The following TEX11 variants were observed in gnomAD, a reference collection of about 807,000 sequenced individuals.
The protein encoded by TEX11 is testis-expressed protein 11.
Under a neutral mutation model 84.4 loss-of-function variants are expected in TEX11, and 7 were observed. The ratio of observed to expected loss-of-function variants is 0.08; its 90% CI spans 0.05 to 0.16. TEX11 has a LOEUF of 0.16. Among genes scored for constraint, TEX11 ranks in the 10% least tolerant of loss-of-function variants. The pLI is 1.00. For synonymous variants in TEX11, 264 were observed against 222.8 expected (o/e 1.18, Z -1.64); for missense variants, 551 against 660.5 (o/e 0.83, Z 1.82).
At chrX:70,668,606 G>T (rs771061241) in intron 16 of TEX11, among the ~76,000 whole-genome samples, 1 of 112,113 alleles carries the variant, frequency 8.9e-6, no homozygotes, top group African/African-American at 3.2e-5. Context: ...TATTGAGTAC[G>T]CACCATTAAA....
At chrX:70,684,026 TATCTC>T (rs996770825) in intron 13 of TEX11, among the ~76,000 whole-genome samples, 13 of 111,096 alleles carry the variant, frequency 1.2e-4, no homozygotes, top group Admixed American at 3.8e-4. Flanking sequence ...ATTGGATTCT[TATCTC>T]ATATCATATA....
chrX:70,906,190 T>G (rs1376840652), intron 2 of TEX11, among the ~76,000 whole-genome samples: 2 of 84,670 alleles, frequency 2.4e-5, no homozygotes, highest in South Asian at 5.9e-4. Context: ...AAAAGAAATA[T>G]AAAATAACTA....
chrX:70,837,627 C>CA (rs35067747), intron 7 of TEX11, among the ~76,000 whole-genome samples: 7,830 of 97,527 alleles, frequency 0.08, 467 homozygotes, highest in Admixed American at 0.28. Context: ...GGACGGATCG[C>CA]AAAAAAAAAA....
intron 25 of TEX11, among the ~76,000 whole-genome samples, chrX:70,557,874 C>T (rs143576807): frequency 4.5e-5 from 5 of 112,234 alleles, no homozygotes; most frequent in African/African-American, 1.6e-4. Context: ...GGAGGCTGGG[C>T]GCAGTGGCTC....
chrX:70,782,153 C>A lies in TEX11; in HGVS notation c.692+24552G>T, dbSNP rs112847745. ...AACCCTATAAGCCCGAAGAGAATGG[C>A]GGCCAATATTCAACATTCTTAAAGA... On this transcript the variant is annotated intron_variant, in intron 9 of 29. Transcript: ENST00000374333. Among the ~76,000 whole-genome samples, 3 of 111,412 alleles carry A rather than the reference C, an allele frequency of 2.7e-5. No homozygotes were observed. The South Asian group carries it at 1.1e-3, about 41-fold the overall frequency.
At chrX:70,711,255 A>G (rs1265817580) in intron 13 of TEX11, among the ~76,000 whole-genome samples, 1 of 111,478 alleles carries the variant, frequency 9.0e-6, no homozygotes, top group Non-Finnish European at 1.9e-5. Context: ...ACATACGTGT[A>G]CATGTGTCTT....
intron 16 of TEX11, among the ~76,000 whole-genome samples, chrX:70,658,141 G>A (rs886235042): frequency 1.8e-5 from 2 of 111,622 alleles, no homozygotes; most frequent in African/African-American, 6.5e-5. Flanking sequence ...GCGGTGGGGC[G>A]TCGTGACTCA....
intron 28 of TEX11, among the ~76,000 whole-genome samples, chrX:70,549,298 T>A (rs1370515000): frequency 9.0e-6 from 1 of 111,251 alleles, no homozygotes; most frequent in Non-Finnish European, 1.9e-5. Context: ...TAGGTGAGAC[T>A]CTGAGACATG....
downstream of TEX11, among the ~76,000 whole-genome samples, chrX:70,527,047 A>G (rs1054430805): frequency 7.1e-5 from 8 of 112,095 alleles, no homozygotes; most frequent in African/African-American, 1.9e-4. Flanking sequence ...GGGGAGAAGA[A>G]AAACCTCTAC....
intron 27 of TEX11, among the ~76,000 whole-genome samples, chrX:70,552,693 A>C (rs1954250405): frequency 8.9e-6 from 1 of 112,088 alleles, no homozygotes; most frequent in Non-Finnish European, 1.9e-5. Flanking sequence ...ATTTTTCCCC[A>C]TGTCTGGACA....
intron 4 of TEX11, among the ~76,000 whole-genome samples, chrX:70,870,200 C>A (rs1458212737): frequency 8.9e-6 from 1 of 112,051 alleles, no homozygotes; most frequent in Non-Finnish European, 1.9e-5. Context: ...TTCCGAAATC[C>A]TCAAGCATAA....
intron 13 of TEX11, among the ~76,000 whole-genome samples, chrX:70,704,302 T>G (rs1426243565): frequency 9.0e-6 from 1 of 110,947 alleles, no homozygotes; most frequent in Non-Finnish European, 1.9e-5. Context: ...CTCAAGTATT[T>G]CTTTATAGCA....
chrX:70,667,073 C>A (rs1486540429), intron 16 of TEX11, among the ~76,000 whole-genome samples: 1 of 112,467 alleles, frequency 8.9e-6, no homozygotes, highest in Non-Finnish European at 1.9e-5. Context: ...AACAATTTTA[C>A]ATTTTAAGTG....
At chrX:70,755,194 C>T (rs955055454) in intron 9 of TEX11, among the ~76,000 whole-genome samples, 2 of 112,312 alleles carry the variant, frequency 1.8e-5, no homozygotes, top group African/African-American at 6.5e-5. Flanking sequence ...TTGAAAATAG[C>T]TGTTTTGAGG....
rs776489054 is a variant in TEX11, at chrX:70,670,467, C to T, written c.1290G>A (p.Arg430=). 5 of 1,208,858 alleles carry T rather than the reference C, an allele frequency of 4.1e-6. No homozygotes were observed. The highest frequency in any genetic ancestry group is 5.6e-6 in the Non-Finnish European group (5 of 894,273). The part of the protein sequence containing the change: ...DALQWYYYSL[R]FYSTDEMDLD... ...GATCCATTTCATCAGTTGAATAAAA[C>T]CTCAGAGAATAATAGTACCATTGTA... The change falls in exon 16 of 30, where the codon AGG becomes AGA. Residue 430 remains arginine, a synonymous_variant. Transcript: ENST00000374333.
chrX:70,802,899 G>A lies in TEX11; in HGVS notation c.692+3806C>T, dbSNP rs184677800. On this transcript the variant is annotated intron_variant, in intron 9 of 29. Transcript: ENST00000374333. ...AATTTCTGTATACCTTTTCTGAAAA[G>A]CCAAGTTCAGCATAATATATGTCCT... 4.8e-3 allele frequency among the ~76,000 whole-genome samples: 531 copies of A among 111,753 alleles called. 2 individuals carry two copies. Among genetic ancestry groups the A allele is most frequent in the Middle Eastern group, 9.2e-3 (2 of 217 alleles).
chrX:70,619,533 AT>A (rs140301043), intron 20 of TEX11, among the ~76,000 whole-genome samples: 15,724 of 111,588 alleles, frequency 0.14, 1,133 homozygotes, highest in Non-Finnish European at 0.2. Context: ...AGAGTAAGAA[AT>A]GAACAAATGA....
intron 9 of TEX11, among the ~76,000 whole-genome samples, chrX:70,745,954 C>T (rs548935304): frequency 1.5e-4 from 17 of 111,268 alleles, no homozygotes; most frequent in South Asian, 7.7e-4. Flanking sequence ...TCTTTAGACA[C>T]TCTCCCCAGC....
At chrX:70,689,291 T>C (rs2090214968) in intron 13 of TEX11, among the ~76,000 whole-genome samples, 1 of 111,334 alleles carries the variant, frequency 9.0e-6, no homozygotes, top group Admixed American at 9.6e-5. Context: ...TATATGTCTA[T>C]ATACTCAGAT....
Sources: allele counts gnomAD v4.1 joint callset (sites outside exome capture counted in the v4.1 genomes callset), GRCh38; gene constraint gnomAD v4.1.1; transcripts MANE v1.5; gene names NCBI Gene and HGNC (gene_info 2026-07-23, HGNC 2026-07-21).